The following CRP variants were observed in gnomAD, a reference collection of about 807,000 sequenced individuals.
The protein encoded by CRP is C-reactive protein, pentraxin-related.
In CRP, 6 loss-of-function variants were observed where a neutral mutation model predicts 3.0. The observed-to-expected ratio is 2.02, with a 90% CI of 1.11 to 3.99. The LOEUF (loss-of-function observed/expected upper bound fraction) is 3.99. CRP is among the 30% of genes most tolerant of loss of function. The pLI is 0.00. For synonymous variants in CRP, 130 were observed against 111.0 expected (o/e 1.17, Z -1.08); for missense variants, 297 against 271.0 (o/e 1.10, Z -0.67).
Position 159,714,075 on chromosome 1 carries a change from G to C in CRP, c.125C>G (p.Ala42Gly), listed in dbSNP as rs765949437. The change falls in exon 2 of 2, where the codon GCA becomes GGA. Residue 42 changes from alanine (A) to glycine (G), a missense_variant. Transcript: ENST00000255030. The part of the protein sequence containing the change: ...ESDTSYVSLK[A>G]PLTKPLKAFT... ...GGCTTTGAGAGGCTTCGTTAACGGT[G>C]CTTTGAGGGATACATAGGAAGTATC... 1.2e-6 allele frequency: 2 copies of C among 1,613,302 alleles called. No individual in the cohort carries two copies. The highest frequency in any genetic ancestry group is 1.3e-5 in the African/African-American group (1 of 74,872).
At position 159,713,692 on chromosome 1, in the gene CRP, G is replaced by A; in HGVS notation, c.508C>T (p.Leu170=). The A allele has an allele frequency of 6.2e-7, 1 of 1,614,178 alleles. No individual in the cohort carries two copies. Residue 170 remains leucine (L), a synonymous_variant, in exon 2 of 2, where the codon CTG becomes TTG. Transcript: ENST00000255030. ...FGGNFEGSQS[L]VGDIGNVNMW... ...TTCACATTTCCAATGTCTCCCACCA[G>A]GGACTGGCTTCCTTCAAAGTTCCCA...
In CRP at chr1:159,714,073, G is replaced by A. The variant is rs762424423; in HGVS notation, c.127C>T (p.Pro43Ser). The A allele has an allele frequency of 3.1e-6, 5 of 1,613,308 alleles. No homozygotes were observed. Among genetic ancestry groups the A allele is most frequent in the South Asian group, 1.1e-5 (1 of 91,072 alleles). ...AAGGCTTTGAGAGGCTTCGTTAACG[G>A]TGCTTTGAGGGATACATAGGAAGTA... is the stretch of plus-strand genomic sequence containing the variant. ...SDTSYVSLKA[P>S]LTKPLKAFTV... The change falls in exon 2 of 2, where the codon CCG becomes TCG. Residue 43 changes from proline (P) to serine (S), a missense_variant. By Grantham distance (74) the Pro-to-Ser change is moderately conservative. Transcript: ENST00000255030.
Position 159,713,358 on chromosome 1 carries a change from G to A in CRP, c.*167C>T, listed in dbSNP as rs889160694. 8 of 783,562 alleles carry A rather than the reference G, an allele frequency of 1.0e-5. No individual in the cohort carries two copies. Among genetic ancestry groups the A allele is most frequent in the South Asian group, 2.2e-5 (1 of 46,324 alleles). 48.5% of individuals were successfully genotyped at this position (783,562 alleles called of 1,614,324 possible). A position where few individuals can be genotyped will look rare whatever the true frequency, so the allele number is the denominator to read the frequency against. On this transcript the variant is annotated 3_prime_UTR_variant, in exon 2 of 2. Coordinates refer to ENST00000255030, the MANE Select transcript of CRP (RefSeq NM_000567.3). ...AGACACTTTACCTCCATTCTCAGGCGCTGAGGAGGGTGGAGCAGGCCTGCA... is the reference window on the plus strand; with the variant it reads ...AGACACTTTACCTCCATTCTCAGGCACTGAGGAGGGTGGAGCAGGCCTGCA...
At position 159,713,515 on chromosome 1, in the gene CRP, C is replaced by G. The variant is rs754052941; in HGVS notation, c.*10G>C. On this transcript the variant is annotated 3_prime_UTR_variant, in exon 2 of 2. Transcript: ENST00000255030. Reference sequence around the variant, plus strand: ...AACCGGGAGGTACCTTCAGGACCCACAGCTGGGCCTCAGGGCCACAGCTGG... The same window carrying G: ...AACCGGGAGGTACCTTCAGGACCCAGAGCTGGGCCTCAGGGCCACAGCTGG... 1 of 1,603,416 alleles carries G rather than the reference C, an allele frequency of 6.2e-7. No homozygotes were observed. Among genetic ancestry groups the G allele is most frequent in the Admixed American group, 1.7e-5 (1 of 59,066 alleles).
intron 1 of CRP, 49 bp downstream of exon 1, chr1:159,714,376 C>T (rs1475342286): frequency 1.9e-6 from 3 of 1,542,494 alleles, no homozygotes; most frequent in Admixed American, 1.7e-5. Flanking sequence ...TTAGACCCCA[C>T]CCCCATACCT....
rs766141934 is a variant in CRP at position 159,713,707 on chromosome 1, C to G, written c.493G>C (p.Glu165Gln). Residue 165 changes from glutamate (E) to glutamine (Q), a missense_variant, in exon 2 of 2, where the codon GAA becomes CAA. Glu to Gln is a conservative substitution (Grantham distance 29). Transcript: ENST00000255030. ...QEQDSFGGNF[E>Q]GSQSLVGDIG... is the part of the protein sequence containing the mutation. ...TCTCCCACCAGGGACTGGCTTCCTT[C>G]AAAGTTCCCACCGAAGGAATCCTGC... is the stretch of plus-strand genomic sequence containing the variant. The G allele has an allele frequency of 6.2e-7, 1 of 1,614,186 alleles. No homozygotes were observed. Among genetic ancestry groups the G allele is most frequent in the Non-Finnish European group, 8.5e-7 (1 of 1,180,034 alleles).
At position 159,713,781 on chromosome 1, in the gene CRP, T is replaced by C. The variant is rs773179580; in HGVS notation, c.419A>G (p.Lys140Arg). Residue 140 changes from lysine (K) to arginine (R), a missense_variant, in exon 2 of 2, where the codon AAG (lysine) becomes AGG (arginine). Coordinates refer to ENST00000255030, the MANE Select transcript of CRP (RefSeq NM_000567.3). The part of the protein sequence containing the change: ...DGKPRVRKSL[K>R]KGYTVGAEAS... ...TTCTGCCCCCACAGTGTATCCCTTCTTCAGACTCTTCCTCACCCTGGGCTT... is the reference window on the plus strand; with the variant it reads ...TTCTGCCCCCACAGTGTATCCCTTCCTCAGACTCTTCCTCACCCTGGGCTT... The C allele has an allele frequency of 5.6e-6, 9 of 1,614,016 alleles. No homozygotes were observed. In the Admixed American group the frequency reaches 1.2e-4, roughly 21 times the overall value.
Position 159,713,898 on chromosome 1 carries a change from A to G in CRP, c.302T>C (p.Leu101Ser), listed in dbSNP as rs753340450. The G allele has an allele frequency of 7.3e-5, 118 of 1,613,936 alleles. 2 individuals are homozygous for G. The highest frequency in any genetic ancestry group is 3.3e-4 in the Middle Eastern group (2 of 6,084). Residue 101 changes from leucine (L) to serine (S), a missense_variant, in exon 2 of 2, where the codon TTA becomes TCA. Transcript: ENST00000255030. ...YSFTVGGSEI[L>S]FEVPEVTVAP... is the part of the protein sequence containing the mutation. ...TACTGTGACTTCAGGAACCTCGAAT[A>G]ATATTTCAGACCCACCCACTGTAAA...
Position 159,713,939 on chromosome 1 carries a change from C to T in CRP, c.261G>A (p.Lys87=), listed in dbSNP as rs1373570810. Residue 87 remains lysine, a synonymous_variant, in exon 2 of 2, where the codon AAG becomes AAA. Coordinates refer to ENST00000255030, the MANE Select transcript of CRP (RefSeq NM_000567.3). ...QDNEILIFWS[K]DIGYSFTVGG... Reference sequence around the variant, plus strand: ...CCACTGTAAAACTGTATCCTATATCCTTAGACCAAAATATGAGAATCTCAT... The same window carrying T: ...CCACTGTAAAACTGTATCCTATATCTTTAGACCAAAATATGAGAATCTCAT... 1.2e-6 allele frequency: 2 copies of T among 1,613,978 alleles called. No homozygotes were observed. The highest frequency in any genetic ancestry group is 1.7e-6 in the Non-Finnish European group (2 of 1,180,008).
chr1:159,713,348 A>G lies in CRP; in HGVS notation c.*177T>C, dbSNP rs544003221. The G allele has an allele frequency of 1.4e-6, 1 of 716,130 alleles. No individual in the cohort carries two copies. Among genetic ancestry groups the G allele is most frequent in the African/African-American group, 1.8e-5 (1 of 56,356 alleles). 44.4% of individuals were successfully genotyped at this position (716,130 alleles called of 1,614,324 possible). On this transcript the variant is annotated 3_prime_UTR_variant, in exon 2 of 2. Coordinates refer to ENST00000255030, the MANE Select transcript of CRP (RefSeq NM_000567.3). ...CTCCCAGACCAGACACTTTACCTCC[A>G]TTCTCAGGCGCTGAGGAGGGTGGAG...
In CRP at chr1:159,713,399, C is replaced by T; in HGVS notation, c.*126G>A. The stretch of plus-strand genomic sequence containing the variant: ...CAGGCCTGCAATGCATATAGGGGAA[C>T]AAAGGCCCAGAGACAGAGACGTGGG... On this transcript the variant is annotated 3_prime_UTR_variant, in exon 2 of 2. Transcript: ENST00000255030. The T allele has an allele frequency of 7.6e-7, 1 of 1,316,656 alleles. No individual in the cohort carries two copies. Among genetic ancestry groups the T allele is most frequent in the Non-Finnish European group, 1.0e-6 (1 of 973,338 alleles). 81.6% of individuals were successfully genotyped at this position (1,316,656 alleles called of 1,614,324 possible).
rs1220120091 is a variant in CRP, at chr1:159,712,535, A to C, written c.*990T>G. ...AAATCCAGCAGCAAGAAGATGTCTC[A>C]CTCCCAAAGTCCATAACTCAATCCT... On this transcript the variant is annotated 3_prime_UTR_variant, in exon 2 of 2. Transcript: ENST00000255030. 1.3e-5 allele frequency: 2 copies of C among 152,312 alleles called. No homozygotes were observed. Among genetic ancestry groups the C allele is most frequent in the African/African-American group, 4.8e-5 (2 of 41,394 alleles). The allele number at this position is 152,312 out of a possible 1,614,324, so 9.4% of individuals were successfully genotyped here.
Position 159,713,621 on chromosome 1 carries a change from A to G in CRP, c.579T>C (p.Tyr193=). The G allele has an allele frequency of 6.2e-7, 1 of 1,614,196 alleles. No individual in the cohort carries two copies. The highest frequency in any genetic ancestry group is 2.2e-5 in the East Asian group (1 of 44,872). The part of the protein sequence containing the change: ...VLSPDEINTI[Y]LGGPFSPNVL... ...CATTAGGACTGAAGGGCCCGCCAAG[A>G]TAGATGGTGTTAATCTCATCTGGTG... The change falls in exon 2 of 2, where the codon TAT becomes TAC. Residue 193 remains tyrosine, a synonymous_variant. Transcript: ENST00000255030.
chr1:159,714,329 G>C, intron 1 of CRP, 96 bp downstream of exon 1: 2 of 1,126,658 alleles, frequency 1.8e-6, no homozygotes, highest in Admixed American at 4.8e-5. Flanking sequence ...TGTTCATACA[G>C]TCTTTTTTTT....
chr1:159,714,132 G>C lies in CRP; in HGVS notation c.68C>G (p.Ser23Trp), dbSNP rs1411197686. The change falls in exon 2 of 2, where the codon TCG (serine) becomes TGG (tryptophan). Residue 23 changes from serine (S) to tryptophan (W), a missense_variant. By Grantham distance (177) the Ser-to-Trp change is radical (BLOSUM62 -3). Coordinates refer to ENST00000255030, the MANE Select transcript of CRP (RefSeq NM_000567.3). ...LSHAFGQTDMSRKAFVFPKES... is the reference protein window; with the variant it reads ...LSHAFGQTDMWRKAFVFPKES... ...TTTGGGAAACACAAAAGCCTTCCTC[G>C]ACATGTCTGTGAGCCAGAAAAACAA... 1 of 1,608,690 alleles carries C rather than the reference G, an allele frequency of 6.2e-7. No homozygotes were observed. Among genetic ancestry groups the C allele is most frequent in the Non-Finnish European group, 8.5e-7 (1 of 1,178,690 alleles).
rs1660752448 is a variant in CRP at position 159,714,003 on chromosome 1, C to CCACG, written c.193_196dup (p.Gly66AlafsTer16). ...GGTGGCATACGAGAAAATACTGTAC[C>CCACG]CACGGGTCGAGGACAGTTCCGTGTA... On this transcript the variant is annotated frameshift_variant, in exon 2 of 2. Coordinates refer to ENST00000255030, the MANE Select transcript of CRP (RefSeq NM_000567.3). LOFTEE classifies it low-confidence loss of function (END_TRUNC). 4.3e-6 allele frequency: 7 copies of CCACG among 1,613,240 alleles called. No individual in the cohort carries two copies. Among genetic ancestry groups the CCACG allele is most frequent in the Non-Finnish European group, 5.9e-6 (7 of 1,180,008 alleles).
rs772477658 is a variant in CRP at position 159,713,653 on chromosome 1, C to A, written c.547G>T (p.Val183Leu). 1 of 1,614,210 alleles carries A rather than the reference C, an allele frequency of 6.2e-7. No individual in the cohort carries two copies. Among genetic ancestry groups the A allele is most frequent in the Non-Finnish European group, 8.5e-7 (1 of 1,180,036 alleles). The change falls in exon 2 of 2, where the codon GTG becomes TTG. Residue 183 changes from valine to leucine, a missense_variant. Physicochemically the swap from Val to Leu is conservative, Grantham distance 32 (BLOSUM62 1). Coordinates refer to ENST00000255030, the MANE Select transcript of CRP (RefSeq NM_000567.3). ...DIGNVNMWDF[V>L]LSPDEINTIY... The stretch of plus-strand genomic sequence containing the variant: ...GTGTTAATCTCATCTGGTGACAGCA[C>A]AAAGTCCCACATGTTCACATTTCCA...
At chr1:159,714,260 CACACACACA>C in intron 1 of CRP, 122 bp from the exon 2 acceptor site, 4 of 80,404 alleles carry the variant, frequency 5.0e-5, no homozygotes. Context: ...TTACACACCA[CACACACACA>C]CACACACACA....
At chr1:159,714,177 C>A in intron 1 of CRP, 39 bp from the exon 2 acceptor site, 1 of 1,580,344 alleles carries the variant, frequency 6.3e-7, no homozygotes, top group South Asian at 1.2e-5. Flanking sequence ...AGAGGTTTCT[C>A]AGATCACACA....
Sources: allele counts gnomAD v4.1 joint callset, GRCh38; gene constraint gnomAD v4.1.1; transcripts MANE v1.5; gene names NCBI Gene and HGNC (gene_info 2026-07-23, HGNC 2026-07-21).